SPMIP5: variants seen among roughly 807,000 people sequenced by gnomAD.
The protein encoded by SPMIP5 is sperm-associated microtubule inner protein 5.
the SPMIP5 span, among the ~76,000 whole-genome samples, chr10:116,669,070 G>T: frequency 6.6e-6 from 1 of 152,000 alleles, no homozygotes; most frequent in Non-Finnish European, 1.5e-5. Flanking sequence ...TCTGCTTCAG[G>T]GGGCTCCACT....
the SPMIP5 span, among the ~76,000 whole-genome samples, chr10:116,667,974 T>C: frequency 6.6e-5 from 10 of 152,236 alleles, no homozygotes; most frequent in African/African-American, 2.4e-4. Flanking sequence ...GTGTCTATCC[T>C]CATCACATTG....
chr10:116,664,371 T>A, the SPMIP5 span: 1 of 896,436 alleles, frequency 1.1e-6, no homozygotes, highest in Non-Finnish European at 1.6e-6. Context: ...AGTAAATATA[T>A]GAACATGGTA....
chr10:116,662,442 G>A, the SPMIP5 span, among the ~76,000 whole-genome samples: 6 of 152,114 alleles, frequency 3.9e-5, no homozygotes, highest in Non-Finnish European at 7.3e-5. Flanking sequence ...ACTAAATTTC[G>A]CCTGGAGGTT....
chr10:116,664,923 A>G, the SPMIP5 span: 1 of 1,613,718 alleles, frequency 6.2e-7, no homozygotes, highest in South Asian at 1.1e-5. Flanking sequence ...GGGCTCCTGG[A>G]GAGGTTTCTT....
chr10:116,667,143 G>A, the SPMIP5 span, among the ~76,000 whole-genome samples: 2 of 152,296 alleles, frequency 1.3e-5, no homozygotes, highest in East Asian at 1.9e-4. Flanking sequence ...AGAAGAGAGA[G>A]ACTTGTGACA....
chr10:116,665,474 C>T, the SPMIP5 span: 1 of 625,060 alleles, frequency 1.6e-6, no homozygotes, highest in South Asian at 3.3e-5. Context: ...AGAAATGGAG[C>T]CTTTGCATTT....
the SPMIP5 span, chr10:116,665,267 T>C: frequency 4.5e-3 from 2,078 of 458,538 alleles, 5 homozygotes; most frequent in Admixed American, 6.6e-3. Flanking sequence ...CATGGTGGCA[T>C]GCACCTGTAG....
At chr10:116,665,833 G>C in the SPMIP5 span, 1 of 1,600,856 alleles carries the variant, frequency 6.2e-7, no homozygotes, top group Non-Finnish European at 8.5e-7. Flanking sequence ...AAGCCTGCAA[G>C]AGCCGAATGG....
chr10:116,669,213 G>T, the SPMIP5 span, among the ~76,000 whole-genome samples: 1 of 152,196 alleles, frequency 6.6e-6, no homozygotes, highest in Non-Finnish European at 1.5e-5. Context: ...TCTCTTTAAA[G>T]AAATGCCTTT....
the SPMIP5 span, among the ~76,000 whole-genome samples, chr10:116,666,025 A>T: frequency 1.3e-5 from 2 of 152,232 alleles, no homozygotes; most frequent in East Asian, 3.9e-4. Flanking sequence ...GCCACAAAAA[A>T]TGACCTTGGA....
At chr10:116,669,321 G>T in the SPMIP5 span, among the ~76,000 whole-genome samples, 2 of 152,140 alleles carry the variant, frequency 1.3e-5, no homozygotes, top group Non-Finnish European at 2.9e-5. Context: ...CCCCCGCCAG[G>T]CTGACAGCAG....
chr10:116,667,788 C>T, the SPMIP5 span, among the ~76,000 whole-genome samples: 8 of 152,148 alleles, frequency 5.3e-5, no homozygotes, highest in African/African-American at 1.9e-4. Context: ...TAAGGAAAGT[C>T]CCAGGCAGTC....
At chr10:116,665,603 G>A in the SPMIP5 span, 1 of 1,609,840 alleles carries the variant, frequency 6.2e-7, no homozygotes, top group African/African-American at 1.3e-5. Context: ...TCAGGGCGCT[G>A]CTACCCAGGA....
the SPMIP5 span, chr10:116,665,850 A>G: frequency 2.7e-5 from 43 of 1,584,642 alleles, no homozygotes; most frequent in Non-Finnish European, 3.7e-5. Flanking sequence ...ATGGAATCAC[A>G]GCCTTCAGCA....
the SPMIP5 span, chr10:116,664,153 G>A: frequency 6.2e-7 from 1 of 1,614,096 alleles, no homozygotes; most frequent in South Asian, 1.1e-5. Flanking sequence ...TAGTAGGAAG[G>A]AAAGAGACAT....
the SPMIP5 span, among the ~76,000 whole-genome samples, chr10:116,668,504 A>G: frequency 6.6e-6 from 1 of 152,150 alleles, no homozygotes; most frequent in African/African-American, 2.4e-5. Context: ...TCACAAACCA[A>G]TGACCTATTA....
chr10:116,668,190 A>G, the SPMIP5 span: 1 of 1,459,958 alleles, frequency 6.8e-7, no homozygotes, highest in South Asian at 1.1e-5. Context: ...CAGTGGGTCA[A>G]GGCAGGGACA....
At chr10:116,665,711 G>T in the SPMIP5 span, 1 of 1,614,190 alleles carries the variant, frequency 6.2e-7, no homozygotes, top group South Asian at 1.1e-5. Context: ...CCACTGCGCA[G>T]CACAATTCCC....
At chr10:116,664,590 G>A in the SPMIP5 span, 5 of 1,297,490 alleles carry the variant, frequency 3.9e-6, no homozygotes, top group Non-Finnish European at 5.1e-6. Flanking sequence ...GGAGCAGAGG[G>A]CACCTGCCTA....
Sources: allele counts gnomAD v4.1 joint callset (sites outside exome capture counted in the v4.1 genomes callset), GRCh38; gene constraint gnomAD v4.1.1; transcripts MANE v1.5; gene names NCBI Gene and HGNC (gene_info 2026-07-23, HGNC 2026-07-21).